Variants in CDYL observed in about 807,000 individuals in gnomAD.
The protein encoded by CDYL is chromodomain Y like, also known as chromodomain Y-like protein.
In CDYL, 8 loss-of-function variants were observed where a neutral mutation model predicts 47.3. The ratio of observed to expected loss-of-function variants is 0.17; its 90% confidence interval spans 0.10 to 0.31. The LOEUF is 0.31. Among genes scored for constraint, CDYL ranks in the 10% least tolerant of loss-of-function variants. The probability of loss-of-function intolerance (pLI) is 1.00; values close to 1 mark genes in which losing one functional copy is unlikely to be tolerated. For synonymous variants in CDYL, 266 were observed against 265.0 expected, an observed-to-expected ratio of 1.00 and a Z score of -0.04; for missense variants, 471 against 701.4, an observed-to-expected ratio of 0.67 and a Z score of 3.71.
intron 1 of CDYL, among the ~76,000 whole-genome samples, chr6:4,841,340 G>T (rs566745974): frequency 6.6e-6 from 1 of 152,098 alleles, no homozygotes; most frequent in African/African-American, 2.4e-5. Context: ...TCTTTTGAAA[G>T]AACCAGCTTT....
At chr6:4,732,922 G>A (rs2127414396) in intron 2 of CDYL, among the ~76,000 whole-genome samples, 1 of 152,198 alleles carries the variant, frequency 6.6e-6, no homozygotes, top group East Asian at 1.9e-4. Context: ...CTGCAGAGTG[G>A]GAGAGAGCGG....
rs1168165609 is a variant in CDYL at position 4,776,770 on chromosome 6, C to A, written c.-14C>A. 7.1e-6 allele frequency: 8 copies of A among 1,125,402 alleles called. No individual in the cohort carries two copies. The highest frequency in any genetic ancestry group is 7.9e-6 in the Non-Finnish European group (7 of 882,342). The allele number at this position is 1,125,402 out of a possible 1,614,324, so 69.7% of individuals were successfully genotyped here. ...CCGACCCTGCCCCTCCCGCCCGCAA[C>A]TCCGCCGCCCACCATGGCTTCCGAG... is the stretch of plus-strand genomic sequence containing the variant. On this transcript the variant is annotated 5_prime_UTR_variant, in exon 1 of 7. Transcript: ENST00000397588.
At chr6:4,855,635 C>T (rs1482701288) in intron 1 of CDYL, among the ~76,000 whole-genome samples, 1 of 152,160 alleles carries the variant, frequency 6.6e-6, no homozygotes, top group Non-Finnish European at 1.5e-5. Context: ...ATTTGTGGAT[C>T]TTTTATCTCA....
intron 3 of CDYL, among the ~76,000 whole-genome samples, chr6:4,760,087 T>C (rs1000782093): frequency 6.6e-6 from 1 of 151,588 alleles, no homozygotes; most frequent in East Asian, 1.9e-4. Context: ...CAACCTGGGG[T>C]TGAAACAATC....
At chr6:4,734,086 C>T (rs1426468556) in intron 2 of CDYL, among the ~76,000 whole-genome samples, 5 of 152,114 alleles carry the variant, frequency 3.3e-5, no homozygotes, top group Admixed American at 1.3e-4. Flanking sequence ...GTGATCCATC[C>T]GTCTCAGCCT....
At chr6:4,768,660 T>C (rs1167132314) in intron 3 of CDYL, among the ~76,000 whole-genome samples, 1 of 152,214 alleles carries the variant, frequency 6.6e-6, no homozygotes, top group African/African-American at 2.4e-5. Context: ...TTGTAGACAC[T>C]CTGCCCTCGA....
chr6:4,788,875 A>T (rs1758838049), intron 1 of CDYL, among the ~76,000 whole-genome samples: 1 of 151,742 alleles, frequency 6.6e-6, no homozygotes. Flanking sequence ...CTGTTCTGGG[A>T]TGAAGGATGT....
intron 2 of CDYL, among the ~76,000 whole-genome samples, chr6:4,728,943 C>T (rs1424936286): frequency 6.6e-6 from 1 of 152,188 alleles, no homozygotes; most frequent in Non-Finnish European, 1.5e-5. Flanking sequence ...ACCCAGGCTT[C>T]AGGCTGGTCT....
In CDYL at chr6:4,927,428, C is replaced by CGTGTGTGTGTGTGTGTGTGTGTGT. The variant is rs35317751; in HGVS notation, c.692-8078_692-8055dup. On this transcript the variant is annotated intron_variant, in intron 2 of 6. Coordinates refer to ENST00000397588, the MANE Select transcript of CDYL (RefSeq NM_004824.4). ...CATTCCATCATTCGAATTTACTGTA[C>CGTGTGTGTGTGTGTGTGTGTGTGT]GTGTGTGTGTGTGTGTGTGTGTGTG... 9.2e-4 allele frequency among the ~76,000 whole-genome samples: 131 copies of CGTGTGTGTGTGTGTGTGTGTGTGT among 142,556 alleles called. 1 individual carries two copies. The highest frequency in any genetic ancestry group is 3.0e-3 in the African/African-American group (112 of 37,154). 93.5% of individuals were successfully genotyped at this position (142,556 alleles called of 152,430 possible).
chr6:4,892,414 G>A (rs746318621), intron 2 of CDYL, 35 bp downstream of exon 2: 2 of 1,549,820 alleles, frequency 1.3e-6, no homozygotes, highest in East Asian at 2.3e-5. Context: ...GCTCCGTGGT[G>A]ATCCCAGAGG....
At chr6:4,828,958 C>G (rs1374186246) in intron 1 of CDYL, among the ~76,000 whole-genome samples, 1 of 152,070 alleles carries the variant, frequency 6.6e-6, no homozygotes, top group Non-Finnish European at 1.5e-5. Context: ...TGCTTGGTTC[C>G]TTTATAAAAT....
intron 1 of CDYL, among the ~76,000 whole-genome samples, chr6:4,843,166 G>A (rs1401132869): frequency 6.6e-6 from 1 of 152,136 alleles, no homozygotes; most frequent in African/African-American, 2.4e-5. Context: ...AGCTTGTAGG[G>A]TTTCTGCTGA....
intron 1 of CDYL, among the ~76,000 whole-genome samples, chr6:4,825,786 T>C (rs1759964622): frequency 6.6e-6 from 1 of 152,084 alleles, no homozygotes; most frequent in African/African-American, 2.4e-5. Flanking sequence ...TAAAATTTAT[T>C]TGTAACCCAA....
chr6:4,938,245 T>G (rs1758260360), intron 4 of CDYL, among the ~76,000 whole-genome samples: 1 of 149,138 alleles, frequency 6.7e-6, no homozygotes. Context: ...TTTTTTTTTT[T>G]GTTTCTTTAA....
intron 1 of CDYL, among the ~76,000 whole-genome samples, chr6:4,863,845 T>C (rs1012500804): frequency 6.6e-6 from 1 of 152,232 alleles, no homozygotes; most frequent in Non-Finnish European, 1.5e-5. Flanking sequence ...ACCCAAGACC[T>C]TGTCTCAAGC....
intron 1 of CDYL, among the ~76,000 whole-genome samples, chr6:4,853,387 A>G (rs1305667312): frequency 1.3e-5 from 2 of 152,202 alleles, no homozygotes; most frequent in Non-Finnish European, 2.9e-5. Context: ...AAGCTGCTAG[A>G]TGGCAGAGCC....
At chr6:4,706,293 A>T (rs1290647623) in intron 1 of CDYL, 1 of 152,218 alleles carries the variant, frequency 6.6e-6, no homozygotes. Flanking sequence ...GAGGAAGTCA[A>T]TCTGGGACCC....
chr6:4,747,660 G>A (rs1046845332), intron 3 of CDYL, among the ~76,000 whole-genome samples: 2 of 152,172 alleles, frequency 1.3e-5, no homozygotes, highest in Non-Finnish European at 2.9e-5. Context: ...GGACAACTGC[G>A]ATTGTGGCTG....
intron 2 of CDYL, among the ~76,000 whole-genome samples, chr6:4,723,208 A>G (rs935993989): frequency 6.6e-6 from 1 of 152,214 alleles, no homozygotes; most frequent in Non-Finnish European, 1.5e-5. Flanking sequence ...ACATGGCAGT[A>G]GATATTAAGA....
Sources: gnomAD v4.1 joint callset for allele counts (sites outside exome capture counted in the v4.1 genomes callset) on GRCh38, gnomAD v4.1.1 for gene constraint, MANE v1.5 for transcripts, NCBI Gene and HGNC (gene_info 2026-07-23, HGNC 2026-07-21) for gene names.